The following SRD5A3 variants were observed in gnomAD, a reference collection of about 807,000 sequenced individuals.
SRD5A3 encodes steroid 5 alpha-reductase 3.
A neutral mutation model predicts 34.3 loss-of-function variants in SRD5A3; 24 were observed. The observed-to-expected ratio is 0.70, with a 90% CI of 0.51 to 0.99. The LOEUF (loss-of-function observed/expected upper bound fraction) is 0.99, where lower values mean the gene tolerates loss of function less well. SRD5A3 is among the 50% of genes least tolerant of loss of function. The pLI is 0.00. For missense variants in SRD5A3, 350 were observed against 388.2 expected (o/e 0.90, Z 0.83); for synonymous variants, 161 against 167.3 (o/e 0.96, Z 0.29).
At chr4:55,369,777 GA>G in intron 4 of SRD5A3, 54 bp from the exon 5 acceptor site, 1 of 1,592,392 alleles carries the variant, frequency 6.3e-7, no homozygotes, top group Non-Finnish European at 8.6e-7. Flanking sequence ...GTGAAGTGGT[GA>G]AACTTTCTTT....
chr4:55,359,061 A>G (rs1490013588), intron 1 of SRD5A3: 2 of 404,536 alleles, frequency 4.9e-6, no homozygotes, highest in African/African-American at 2.0e-5. Context: ...TTACCCAGCA[A>G]TCAGAGAGAT....
At chr4:55,352,726 C>A (rs1174980235) in intron 1 of SRD5A3, among the ~76,000 whole-genome samples, 1 of 152,204 alleles carries the variant, frequency 6.6e-6, no homozygotes, top group Admixed American at 6.5e-5. Context: ...TTTATTTAAC[C>A]AGTGTTTATA....
At chr4:55,367,831 T>C (rs1719962905) in intron 4 of SRD5A3, 109 bp downstream of exon 4, 1 of 1,446,840 alleles carries the variant, frequency 6.9e-7, no homozygotes, top group Non-Finnish European at 9.6e-7. Context: ...CTGTATCAAA[T>C]ATTGATTTTT....
chr4:55,352,299 T>C, intron 1 of SRD5A3: 1 of 800,870 alleles, frequency 1.2e-6, no homozygotes, highest in Non-Finnish European at 2.3e-6. Flanking sequence ...GGGATCCTTC[T>C]TTTCTTTCTT....
chr4:55,359,551 G>A, intron 2 of SRD5A3, 63 bp downstream of exon 2: 1 of 1,608,938 alleles, frequency 6.2e-7, no homozygotes. Context: ...GTCTGCAAGG[G>A]AGCAGTTTTT....
chr4:55,366,677 G>T (rs1327190174), intron 3 of SRD5A3: 1 of 152,208 alleles, frequency 6.6e-6, no homozygotes, highest in Non-Finnish European at 1.5e-5. Flanking sequence ...ATGATCCTTG[G>T]TTCTCTTACT....
chr4:55,364,412 T>C, intron 3 of SRD5A3, 141 bp downstream of exon 3: 7 of 1,007,142 alleles, frequency 7.0e-6, no homozygotes, highest in Non-Finnish European at 9.1e-6. Context: ...GAGATGAGAC[T>C]CAAGTCGATT....
intron 2 of SRD5A3, among the ~76,000 whole-genome samples, chr4:55,363,448 T>C (rs1265124801): frequency 1.3e-5 from 2 of 151,130 alleles, no homozygotes; most frequent in Non-Finnish European, 3.0e-5. Flanking sequence ...ATAAAGAAGT[T>C]GACACATAAA....
At position 55,370,856 on chromosome 4, in the gene SRD5A3, CT is replaced by C. The variant is rs1720103120; in HGVS notation, c.*766del. On this transcript the variant is annotated 3_prime_UTR_variant, in exon 5 of 5. Transcript: ENST00000264228. The stretch of plus-strand genomic sequence containing the variant: ...CGAGGTCATGCCACTGCACTCCAGC[CT>C]GGCCTGGGCAACAGAGCAAGACCCT... 6.6e-6 allele frequency: 1 copy of C among 152,144 alleles called. No homozygotes were observed. The highest frequency in any genetic ancestry group is 2.1e-4 in the South Asian group (1 of 4,828). The allele number at this position is 152,144 out of a possible 1,614,324, so 9.4% of individuals were successfully genotyped here.
intron 4 of SRD5A3, among the ~76,000 whole-genome samples, 163 bp downstream of exon 4, chr4:55,367,885 T>C (rs1329129381): frequency 2.6e-5 from 4 of 152,152 alleles, no homozygotes; most frequent in Admixed American, 2.6e-4. Context: ...TCTGTGAAAA[T>C]GAGAGCCTTA....
At chr4:55,348,927 GGTA>G (rs1578200216) in intron 1 of SRD5A3, among the ~76,000 whole-genome samples, 1 of 152,260 alleles carries the variant, frequency 6.6e-6, no homozygotes, top group East Asian at 1.9e-4. Flanking sequence ...TATCCCAGAT[GGTA>G]GCATTTAGTA....
intron 1 of SRD5A3, among the ~76,000 whole-genome samples, chr4:55,354,362 CG>C (rs1225985149): frequency 6.6e-6 from 1 of 152,092 alleles, no homozygotes; most frequent in Non-Finnish European, 1.5e-5. Flanking sequence ...TTCAGAGTGC[CG>C]GGATTACAGG....
intron 1 of SRD5A3, among the ~76,000 whole-genome samples, chr4:55,356,000 A>ATGTTTTTTTTTT (rs1719442984): frequency 1.3e-5 from 1 of 74,264 alleles, no homozygotes; most frequent in Non-Finnish European, 2.3e-5. Flanking sequence ...TTTTGCCTCC[A>ATGTTTTTTTTTT]TTTTTTTTTT....
intron 2 of SRD5A3, among the ~76,000 whole-genome samples, chr4:55,362,271 G>C (rs1236754297): frequency 6.6e-6 from 1 of 151,838 alleles, no homozygotes; most frequent in Non-Finnish European, 1.5e-5. Context: ...GGGACTACAG[G>C]CATGCGCCAC....
chr4:55,354,573 T>C (rs1364823827), intron 1 of SRD5A3, among the ~76,000 whole-genome samples: 2 of 152,154 alleles, frequency 1.3e-5, no homozygotes, highest in Admixed American at 6.5e-5. Context: ...CTGCTAGTTC[T>C]CTCTCTTACC....
chr4:55,360,845 C>A (rs536521799), intron 2 of SRD5A3, among the ~76,000 whole-genome samples: 5 of 152,076 alleles, frequency 3.3e-5, no homozygotes, highest in African/African-American at 1.2e-4. Flanking sequence ...TGTGCCACCA[C>A]GCCCAGCTAA....
chr4:55,364,538 C>CT (rs1719805260), intron 3 of SRD5A3: 2 of 444,278 alleles, frequency 4.5e-6, no homozygotes, highest in Non-Finnish European at 8.3e-6. Context: ...TGGTGAAACT[C>CT]TGTCTCTACT....
At position 55,371,200 on chromosome 4, in the gene SRD5A3, G is replaced by T. The variant is rs1720116269; in HGVS notation, c.*1109G>T. ...ACACTCTGGATTGAATAATACTGTA[G>T]CCTCATTCATATGTAGTTATTCAAA... On this transcript the variant is annotated 3_prime_UTR_variant, in exon 5 of 5. Transcript: ENST00000264228. The T allele has an allele frequency of 2.0e-5, 3 of 152,170 alleles. No individual in the cohort carries two copies. Among genetic ancestry groups the T allele is most frequent in the Non-Finnish European group, 2.9e-5 (2 of 68,040 alleles). 9.4% of individuals were successfully genotyped at this position (152,170 alleles called of 1,614,324 possible).
At chr4:55,366,215 T>C (rs549307593) in intron 3 of SRD5A3, among the ~76,000 whole-genome samples, 3 of 152,356 alleles carry the variant, frequency 2.0e-5, no homozygotes, top group Middle Eastern at 6.8e-3. Context: ...CAAATCCTTT[T>C]TCCTGTAGGT....
Sources: gnomAD v4.1 joint callset for allele counts (sites outside exome capture counted in the v4.1 genomes callset) on GRCh38, gnomAD v4.1.1 for gene constraint, MANE v1.5 for transcripts, NCBI Gene and HGNC (gene_info 2026-07-23, HGNC 2026-07-21) for gene names.